The following DMD variants were observed in gnomAD, a reference collection of about 807,000 sequenced individuals.
DMD encodes the protein dystrophin.
DMD carries 63 observed loss-of-function variants against 330.1 expected under a neutral mutation model. The observed-to-expected ratio is 0.19, with a 90% CI of 0.16 to 0.24. DMD has a LOEUF of 0.24. Ranked by LOEUF, DMD falls within the 10% of genes least tolerant of loss-of-function variation. DMD has a pLI of 1.00. For missense variants in DMD, 3,344 were observed against 2,684.1 expected, an observed-to-expected ratio of 1.25 and a Z score of -5.43; for synonymous variants, 1,223 against 959.8, an observed-to-expected ratio of 1.27 and a Z score of -5.07.
At chrX:32,155,264 G>T in intron 44 of DMD, 1 of 252,351 alleles carries the variant, frequency 4.0e-6, no homozygotes, top group Non-Finnish European at 5.5e-6. Flanking sequence ...TCCTGCATCA[G>T]AATAGAAGAC....
intron 45 of DMD, among the ~76,000 whole-genome samples, chrX:31,951,620 G>A (rs1261808592): frequency 9.0e-6 from 1 of 110,637 alleles, no homozygotes; most frequent in Non-Finnish European, 1.9e-5. Context: ...ATTTAACACA[G>A]TAAAATTTAG....
At chrX:31,182,550 G>C in intron 68 of DMD, among the ~76,000 whole-genome samples, 188 bp downstream of exon 68, 1 of 111,338 alleles carries the variant, frequency 9.0e-6, no homozygotes, top group East Asian at 2.8e-4. Flanking sequence ...TAATAAGTGA[G>C]ATCCACCAAA....
At chrX:31,767,837 T>C (rs942690988) in intron 51 of DMD, among the ~76,000 whole-genome samples, 2 of 112,082 alleles carry the variant, frequency 1.8e-5, no homozygotes, top group Non-Finnish European at 1.9e-5. Context: ...AAAATCATAA[T>C]TTTTAAGTAC....
chrX:31,720,945 T>A (rs774763880), intron 52 of DMD, among the ~76,000 whole-genome samples: 1 of 111,835 alleles, frequency 8.9e-6, no homozygotes, highest in Non-Finnish European at 1.9e-5. Context: ...AATACATTTA[T>A]GAAAAATGGA....
chrX:32,888,305 G>T lies in DMD; in HGVS notation c.94-38485C>A, dbSNP rs187351535. Among the ~76,000 whole-genome samples the T allele has an allele frequency of 1.1e-3, 122 of 109,435 alleles. 1 individual carries two copies. The East Asian group carries it at 0.033, about 30-fold the overall frequency. ...TTGTCCTAATGCTCTCCCTCCCCTT[G>T]CTCCCTACGCCCCCACCCCCACAGG... On this transcript the variant is annotated intron_variant, in intron 2 of 78. Transcript: ENST00000357033.
At chrX:32,242,469 G>A (rs2097212354) in intron 43 of DMD, among the ~76,000 whole-genome samples, 2 of 111,361 alleles carry the variant, frequency 1.8e-5, no homozygotes, top group Admixed American at 9.6e-5. Context: ...ACCCTCTGAT[G>A]ACTTTTTAAC....
intron 42 of DMD, 64 bp from the exon 43 acceptor site, chrX:32,287,765 AT>A: frequency 5.3e-6 from 4 of 751,301 alleles, no homozygotes; most frequent in Non-Finnish European, 7.6e-6. Flanking sequence ...AGAGAAAAAT[AT>A]ATATATATAT....
At chrX:31,349,681 C>T (rs1021254379) in intron 60 of DMD, among the ~76,000 whole-genome samples, 15 of 111,460 alleles carry the variant, frequency 1.3e-4, no homozygotes, top group South Asian at 3.9e-4. Flanking sequence ...AATAATTTTA[C>T]GGGTGACATG....
chrX:31,900,948 A>G (rs1843157125), intron 47 of DMD, among the ~76,000 whole-genome samples: 1 of 111,560 alleles, frequency 9.0e-6, no homozygotes, highest in Non-Finnish European at 1.9e-5. Flanking sequence ...CTCCCCTGTG[A>G]GTGGATTATC....
chrX:31,718,885 G>A (rs185302746), intron 52 of DMD, among the ~76,000 whole-genome samples: 5 of 112,075 alleles, frequency 4.5e-5, no homozygotes, highest in Admixed American at 1.9e-4. Flanking sequence ...TAGTATGGAA[G>A]TTATCAGGAT....
At chrX:32,040,991 A>G (rs1272901954) in intron 44 of DMD, among the ~76,000 whole-genome samples, 1 of 111,285 alleles carries the variant, frequency 9.0e-6, no homozygotes, top group Non-Finnish European at 1.9e-5. Flanking sequence ...AACACTTGGG[A>G]ACTGGGATGC....
chrX:32,374,789 C>T (rs1447502944), intron 34 of DMD, among the ~76,000 whole-genome samples: 3 of 111,857 alleles, frequency 2.7e-5, no homozygotes, highest in Non-Finnish European at 5.6e-5. Flanking sequence ...TGTTCAGGCC[C>T]TTTCTTGGTT....
chrX:31,339,215 C>T (rs1257785109), intron 61 of DMD, among the ~76,000 whole-genome samples: 1 of 111,573 alleles, frequency 9.0e-6, no homozygotes, highest in Non-Finnish European at 1.9e-5. Context: ...AATCTGGTTG[C>T]TAATGATACT....
chrX:32,813,502 G>A (rs1775525403), intron 6 of DMD, among the ~76,000 whole-genome samples: 1 of 111,914 alleles, frequency 8.9e-6, no homozygotes, highest in African/African-American at 3.2e-5. Context: ...TAAAATGACA[G>A]CATCTACGTC....
At chrX:32,671,108 T>A (rs768995842) in intron 9 of DMD, among the ~76,000 whole-genome samples, 1 of 111,072 alleles carries the variant, frequency 9.0e-6, no homozygotes. Flanking sequence ...GTACAAATTG[T>A]TAATATCTCA....
chrX:32,338,535 AACATT>A (rs2097726226), intron 41 of DMD, among the ~76,000 whole-genome samples: 1 of 111,460 alleles, frequency 9.0e-6, no homozygotes, highest in African/African-American at 3.3e-5. Flanking sequence ...TTTATTTTTG[AACATT>A]AAAAATTACT....
intron 9 of DMD, among the ~76,000 whole-genome samples, chrX:32,680,340 C>G (rs928531376): frequency 3.6e-5 from 4 of 111,440 alleles, no homozygotes; most frequent in Non-Finnish European, 7.5e-5. Context: ...CAAATACAAT[C>G]AAAATACTGA....
chrX:32,653,386 T>C (rs918097857), intron 9 of DMD, among the ~76,000 whole-genome samples: 3 of 112,051 alleles, frequency 2.7e-5, no homozygotes, highest in African/African-American at 9.8e-5. Flanking sequence ...GGCTAGCCAG[T>C]TTTCCCAGCA....
chrX:32,481,409 TG>T (rs765680685), intron 21 of DMD, among the ~76,000 whole-genome samples: 22 of 111,541 alleles, frequency 2.0e-4, no homozygotes, highest in Non-Finnish European at 3.8e-4. Flanking sequence ...GGGTGAGTTT[TG>T]AAAAAATACA....
Sources: allele counts gnomAD v4.1 joint callset (sites outside exome capture counted in the v4.1 genomes callset), GRCh38; gene constraint gnomAD v4.1.1; transcripts MANE v1.5; gene names NCBI Gene and HGNC (gene_info 2026-07-23, HGNC 2026-07-21).